Variants in SMARCE1 observed in about 807,000 individuals in gnomAD.
The protein encoded by SMARCE1 is SWI/SNF related BAF chromatin remodeling complex subunit E1.
A neutral mutation model predicts 54.9 loss-of-function variants in SMARCE1; 13 were observed. That is an observed-to-expected ratio of 0.24 (90% CI 0.15 to 0.38). SMARCE1 has a LOEUF of 0.38. Among genes scored for constraint, SMARCE1 ranks in the 10% least tolerant of loss-of-function variants. SMARCE1 has a pLI of 1.00. For synonymous variants in SMARCE1, 151 were observed against 175.3 expected (o/e 0.86, Z 1.10); for missense variants, 295 against 523.8 (o/e 0.56, Z 4.26).
In SMARCE1 at chr17:40,642,318, G is replaced by C; in HGVS notation, c.156+137C>G. On this transcript the variant is annotated intron_variant, in intron 4 of 10. Transcript: ENST00000348513. This position sits in a 1 kb window ranked among gnomAD's most constrained non-coding sequence, Gnocchi z 4.6. ...TTCAGTGTGAGATGCTACAACGAAT[G>C]TTGAAAATACTCAAAAAGCTAGGTT... 1.4e-6 allele frequency: 1 copy of C among 711,922 alleles called. No individual in the cohort carries two copies. The highest frequency in any genetic ancestry group is 2.6e-6 in the Non-Finnish European group (1 of 387,602). The allele number at this position is 711,922 out of a possible 1,614,324, so 44.1% of individuals were successfully genotyped here. A position where few individuals can be genotyped will look rare whatever the true frequency, so the allele number is the denominator to read the frequency against.
intron 6 of SMARCE1, 54 bp from the exon 7 acceptor site, chr17:40,636,156 C>A: frequency 7.1e-7 from 1 of 1,412,600 alleles, no homozygotes; most frequent in Non-Finnish European, 9.8e-7. Context: ...GGTTATAATG[C>A]AGACCTATGT....
At position 40,631,672 on chromosome 17, in the gene SMARCE1, G is replaced by T; in HGVS notation, c.736C>A (p.Leu246Ile). The T allele has an allele frequency of 6.2e-7, 1 of 1,609,216 alleles. No individual in the cohort carries two copies. The highest frequency in any genetic ancestry group is 8.5e-7 in the Non-Finnish European group (1 of 1,175,892). The stretch of plus-strand genomic sequence containing the variant: ...TCCTGGTGTCGTTCCTCTATTTGAA[G>T]AAGTTCAGCTTCTAGTTTTCGCTGC... Reference protein sequence around the residue: ...VHQRKLEAELLQIEERHQEKK... With the variant: ...VHQRKLEAELIQIEERHQEKK... The change falls in exon 9 of 11, where the codon CTT becomes ATT. Residue 246 changes from leucine (L) to isoleucine (I), a missense_variant. Leu to Ile is a conservative substitution (Grantham distance 5, BLOSUM62 2). Around this residue, in one of 5 missense-constraint regions of SMARCE1, gnomAD observed 101 missense variants for 183.1 expected, o/e 0.55. Coordinates refer to ENST00000348513, the MANE Select transcript of SMARCE1 (RefSeq NM_003079.5).
intron 10 of SMARCE1, 99 bp from the exon 11 acceptor site, chr17:40,629,092 C>A: frequency 1.1e-5 from 10 of 945,980 alleles, no homozygotes; most frequent in Non-Finnish European, 1.7e-5. Context: ...AAGCCACTAG[C>A]CACATGTGGT....
rs774207941 is a variant in SMARCE1 at position 40,630,942 on chromosome 17, G to A, written c.817-18C>T. The A allele has an allele frequency of 1.3e-6, 2 of 1,592,816 alleles. No individual in the cohort carries two copies. Among genetic ancestry groups the A allele is most frequent in the Non-Finnish European group, 8.6e-7 (1 of 1,165,422 alleles). ...CCGCACAACTAATCAGAAAAAAACA[G>A]AACTCCGTAATGTTTTTTCCTTATA... On this transcript the variant is annotated intron_variant, in intron 9 of 10. Coordinates refer to ENST00000348513, the MANE Select transcript of SMARCE1 (RefSeq NM_003079.5).
chr17:40,640,907 C>A (rs1312906996), intron 4 of SMARCE1: 1 of 152,204 alleles, frequency 6.6e-6, no homozygotes, highest in East Asian at 1.9e-4. Context: ...AGGGAGTACA[C>A]TTTCTCTTCC....
intron 10 of SMARCE1, chr17:40,629,585 G>C: frequency 9.2e-7 from 1 of 1,091,878 alleles, no homozygotes; most frequent in Non-Finnish European, 1.2e-6. Flanking sequence ...GAAATTAAAA[G>C]CATGAGGTTT....
intron 5 of SMARCE1, chr17:40,636,748 C>G (rs1276871763): frequency 2.4e-6 from 1 of 424,748 alleles, no homozygotes; most frequent in Admixed American, 3.8e-5. Flanking sequence ...CATCACGTCA[C>G]TCACTTATAA....
chr17:40,637,443 A>C (rs746284543), intron 5 of SMARCE1, 49 bp downstream of exon 5: 20 of 1,384,590 alleles, frequency 1.4e-5, no homozygotes, highest in Non-Finnish European at 1.9e-5. Context: ...TTAAGCAAAG[A>C]AGCAGCAAAG....
chr17:40,643,732 A>G (rs2144011357), intron 3 of SMARCE1: 1 of 152,314 alleles, frequency 6.6e-6, no homozygotes, highest in Admixed American at 6.5e-5. Flanking sequence ...ACAATTTCCT[A>G]AAACATGCCG....
chr17:40,629,029 T>A (rs749730372), intron 10 of SMARCE1, 36 bp from the exon 11 acceptor site: 3 of 1,571,738 alleles, frequency 1.9e-6, no homozygotes, highest in East Asian at 4.5e-5. Flanking sequence ...AGTTCCAAGA[T>A]GAAATTTTAC....
chr17:40,632,420 A>T (rs2037104226), intron 7 of SMARCE1, 53 bp from the exon 8 acceptor site: 12 of 1,517,278 alleles, frequency 7.9e-6, no homozygotes, highest in Non-Finnish European at 1.1e-5. Flanking sequence ...CATAAAAAGG[A>T]GTGTAACAAT....
chr17:40,631,896 T>C (rs2037098900), intron 8 of SMARCE1: 3 of 551,818 alleles, frequency 5.4e-6, no homozygotes, highest in East Asian at 5.7e-5. Context: ...GCCTGAGCAA[T>C]TCCTTGGGAA....
chr17:40,632,280 C>T lies in SMARCE1; in HGVS notation c.629G>A (p.Ser210Asn), dbSNP rs1199010778. Residue 210 changes from serine to asparagine, a missense_variant, in exon 8 of 11, where the codon AGT (serine) becomes AAT (asparagine). Coordinates refer to ENST00000348513, the MANE Select transcript of SMARCE1 (RefSeq NM_003079.5). Reference sequence around the variant, plus strand: ...AACTGACCGAACGTCTGGCACCACACTCTCACTAAGAATTTCACTGATGAG... The same window carrying T: ...AACTGACCGAACGTCTGGCACCACATTCTCACTAAGAATTTCACTGATGAG... ...HRLISEILSE[S>N]VVPDVRSVVT... The T allele has an allele frequency of 6.2e-7, 1 of 1,614,064 alleles. No homozygotes were observed. Among genetic ancestry groups the T allele is most frequent in the South Asian group, 1.1e-5 (1 of 91,084 alleles).
chr17:40,645,112 T>C (rs1350596043), intron 3 of SMARCE1: 2 of 185,388 alleles, frequency 1.1e-5, no homozygotes, highest in Non-Finnish European at 1.1e-5. Context: ...CTTGAACAGC[T>C]TGAAAATATT....
chr17:40,629,692 C>T (rs2143982373), intron 10 of SMARCE1: 2 of 405,320 alleles, frequency 4.9e-6, no homozygotes, highest in Non-Finnish European at 8.6e-6. Flanking sequence ...TAAGACATGC[C>T]CCATTCATAG....
intron 4 of SMARCE1, 128 bp from the exon 5 acceptor site, chr17:40,637,700 T>C: frequency 3.0e-6 from 2 of 672,148 alleles, no homozygotes; most frequent in Admixed American, 2.6e-5. Flanking sequence ...TCACTGAAAA[T>C]AGCTATCACT....
intron 7 of SMARCE1, chr17:40,635,007 C>A (rs568084796): frequency 3.3e-5 from 5 of 152,156 alleles, no homozygotes; most frequent in Non-Finnish European, 7.4e-5. Context: ...TGACAATATT[C>A]CAGTACATTA....
chr17:40,641,130 A>G (rs1434746415), intron 4 of SMARCE1: 1 of 151,328 alleles, frequency 6.6e-6, no homozygotes. Context: ...AAATTGCTGC[A>G]TTAACATTAA....
intron 3 of SMARCE1, chr17:40,643,414 T>C (rs1597750344): frequency 6.6e-6 from 1 of 152,232 alleles, no homozygotes; most frequent in East Asian, 1.9e-4. Context: ...AAAATACAAC[T>C]GCTCATTTCA....
Sources: allele counts gnomAD v4.1 joint callset, GRCh38; gene constraint gnomAD v4.1.1; regional missense constraint gnomAD v4.1.1; non-coding constraint Gnocchi (gnomAD v3.1); transcripts MANE v1.5; gene names NCBI Gene and HGNC (gene_info 2026-07-23, HGNC 2026-07-21).